PDHB: variants seen among roughly 807,000 people sequenced by gnomAD.
PDHB encodes pyruvate dehydrogenase E1 component subunit beta, mitochondrial.
PDHB carries 17 observed loss-of-function variants against 42.8 expected under a neutral mutation model. The observed-to-expected ratio is 0.40, with a 90% CI of 0.27 to 0.60. The LOEUF (loss-of-function observed/expected upper bound fraction) is 0.60, where lower values mean the gene tolerates loss of function less well. Among genes scored for constraint, PDHB ranks in the 20% least tolerant of loss-of-function variants. The pLI, the probability that PDHB is intolerant of heterozygous loss-of-function variation, is 0.46. For synonymous variants in PDHB, 154 were observed against 148.7 expected (o/e 1.04, Z -0.26); for missense variants, 322 against 451.3 (o/e 0.71, Z 2.60).
At chr3:58,429,154 G>A (rs1486503190) in intron 8 of PDHB, among the ~76,000 whole-genome samples, 4 of 152,216 alleles carry the variant, frequency 2.6e-5, no homozygotes, top group African/African-American at 7.2e-5. Context: ...TGAGTTAACA[G>A]TTAACAGCTG....
rs758213613 is a variant in PDHB, at chr3:58,428,513, C to T, written c.894G>A (p.Gln298=). The change falls in exon 9 of 10, where the codon CAG becomes CAA. Residue 298 remains glutamine (Q), a synonymous_variant. Coordinates refer to ENST00000302746, the MANE Select transcript of PDHB (RefSeq NM_000925.4). The part of the protein sequence containing the change: ...HLVTVEGGWP[Q]FGVGAEICAR... ...CACAGATTTCAGCTCCTACTCCAAA[C>T]TGTGGCCAGCCTCCTTCCACAGTTA... 3 of 1,614,226 alleles carry T rather than the reference C, an allele frequency of 1.9e-6. 1 individual carries two copies. The highest frequency in any genetic ancestry group is 4.5e-5 in the East Asian group (2 of 44,890).
chr3:58,431,034 A>G lies in PDHB; in HGVS notation c.304-92T>C. 1.6e-6 allele frequency: 2 copies of G among 1,240,366 alleles called. No homozygotes were observed. The highest frequency in any genetic ancestry group is 2.3e-6 in the Non-Finnish European group (2 of 855,014). 76.8% of individuals were successfully genotyped at this position (1,240,366 alleles called of 1,614,324 possible). On this transcript the variant is annotated intron_variant, in intron 5 of 9. Coordinates refer to ENST00000302746, the MANE Select transcript of PDHB (RefSeq NM_000925.4). This position sits in a 1 kb window ranked among gnomAD's most constrained non-coding sequence, Gnocchi z 4.4. ...CTCCAAGTCTTCCAACATTCAAATA[A>G]TGTTTTTATTTTTTATTTTTATTTT...
At position 58,427,984 on chromosome 3, in the gene PDHB, G is replaced by T; in HGVS notation, c.*50C>A. 2 of 1,381,890 alleles carry T rather than the reference G, an allele frequency of 1.4e-6. No homozygotes were observed. The highest frequency in any genetic ancestry group is 1.0e-6 in the Non-Finnish European group (1 of 975,908). The allele number at this position is 1,381,890 out of a possible 1,614,324, so 85.6% of individuals were successfully genotyped here. ...CTTGCAGTACAAATCCAGGTGCAGTGCCAGCAAGTATTTCAAATAAATTTC... is the reference window on the plus strand; with the variant it reads ...CTTGCAGTACAAATCCAGGTGCAGTTCCAGCAAGTATTTCAAATAAATTTC... On this transcript the variant is annotated 3_prime_UTR_variant, in exon 10 of 10. Coordinates refer to ENST00000302746, the MANE Select transcript of PDHB (RefSeq NM_000925.4).
chr3:58,433,339 T>G, intron 2 of PDHB: 1 of 579,384 alleles, frequency 1.7e-6, no homozygotes. Flanking sequence ...AAAAAGTACA[T>G]TTTAAGTTAG....
chr3:58,429,208 C>CA (rs2062899743), intron 8 of PDHB, among the ~76,000 whole-genome samples: 1 of 152,220 alleles, frequency 6.6e-6, no homozygotes, highest in Non-Finnish European at 1.5e-5. Context: ...GTAATTCTCA[C>CA]AACAGCCCTA....
chr3:58,429,681 T>C lies in PDHB; in HGVS notation c.792+27A>G, dbSNP rs780920031. On this transcript the variant is annotated intron_variant, in intron 8 of 9. Coordinates refer to ENST00000302746, the MANE Select transcript of PDHB (RefSeq NM_000925.4). ...AATCTAAAAGGAGCCCTTCTAATTC[T>C]TTAAGAACAAGTAAATGTCCACTCA... 7 of 1,405,478 alleles carry C rather than the reference T, an allele frequency of 5.0e-6. No individual in the cohort carries two copies. The Admixed American group carries it at 6.7e-5, about 13-fold the overall frequency. The allele number at this position is 1,405,478 out of a possible 1,614,324, so 87.1% of individuals were successfully genotyped here. A position where few individuals can be genotyped will look rare whatever the true frequency, so the allele number is the denominator to read the frequency against.
At chr3:58,428,223 G>A (rs1307131601) in intron 9 of PDHB, 44 bp from the exon 10 acceptor site, 3 of 1,589,854 alleles carry the variant, frequency 1.9e-6, no homozygotes, top group Non-Finnish European at 1.7e-6. Flanking sequence ...AATGCCAGCT[G>A]GGCACTACCA....
intron 2 of PDHB, chr3:58,432,191 T>A: frequency 1.7e-6 from 1 of 595,306 alleles, no homozygotes; most frequent in Non-Finnish European, 3.0e-6. Flanking sequence ...GAGTGCTCAC[T>A]AGGTGCCAAG....
chr3:58,428,137 G>C lies in PDHB; in HGVS notation c.977C>G (p.Thr326Ser). The part of the protein sequence containing the change: ...NFLDAPAVRV[T>S]GADVPMPYAK... ...ATAAGGCATAGGGACATCAGCACCA[G>C]TGACACGAACAGCAGGAGCATCCAG... The change falls in exon 10 of 10, where the codon ACT becomes AGT. Residue 326 changes from threonine (T) to serine (S), a missense_variant. Physicochemically the swap from Thr to Ser is moderately conservative, Grantham distance 58 (BLOSUM62 1). Around this residue, in one of 3 missense-constraint regions of PDHB, gnomAD observed 208 missense variants for 285.0 expected, o/e 0.73. Coordinates refer to ENST00000302746, the MANE Select transcript of PDHB (RefSeq NM_000925.4). The C allele has an allele frequency of 6.2e-7, 1 of 1,613,610 alleles. No homozygotes were observed. The highest frequency in any genetic ancestry group is 8.5e-7 in the Non-Finnish European group (1 of 1,179,452).
chr3:58,431,227 C>A lies in PDHB; in HGVS notation c.304-285G>T. 1 of 482,358 alleles carries A rather than the reference C, an allele frequency of 2.1e-6. No homozygotes were observed. The highest frequency in any genetic ancestry group is 3.7e-6 in the Non-Finnish European group (1 of 267,374). 29.9% of individuals were successfully genotyped at this position (482,358 alleles called of 1,614,324 possible). Reference sequence around the variant, plus strand: ...ACCTACTTGGTATTTTTTTTTTTTCCCAAATGATGTTTTTAAAAGGTGATG... The same window carrying A: ...ACCTACTTGGTATTTTTTTTTTTTCACAAATGATGTTTTTAAAAGGTGATG... On this transcript the variant is annotated intron_variant, in intron 5 of 9. Transcript: ENST00000302746. The surrounding 1 kb of genome is among the most constrained non-coding windows in gnomAD (Gnocchi z 4.4).
rs1553848498 is a variant in PDHB, at chr3:58,431,042, ATTT to A, written c.304-103_304-101del. ...CTTCCAACATTCAAATAATGTTTTT[ATTT>A]TTTATTTTTATTTTTTATGGACAGG... On this transcript the variant is annotated intron_variant, in intron 5 of 9. Transcript: ENST00000302746. The surrounding 1 kb of genome is among the most constrained non-coding windows in gnomAD (Gnocchi z 4.4). 761 of 1,109,722 alleles carry A rather than the reference ATTT, an allele frequency of 6.9e-4. 3 individuals are homozygous for A. Among genetic ancestry groups the A allele is most frequent in the Middle Eastern group, 6.4e-3 (27 of 4,214 alleles). 68.7% of individuals were successfully genotyped at this position (1,109,722 alleles called of 1,614,324 possible). A position where few individuals can be genotyped will look rare whatever the true frequency, so the allele number is the denominator to read the frequency against.
intron 8 of PDHB, chr3:58,428,891 G>A: frequency 2.3e-6 from 1 of 426,470 alleles, no homozygotes; most frequent in South Asian, 2.4e-5. Flanking sequence ...TTTTGCTCTT[G>A]TTGTCCAGGC....
chr3:58,432,053 T>C (rs1334035284), intron 2 of PDHB, 69 bp from the exon 3 acceptor site: 4 of 1,062,728 alleles, frequency 3.8e-6, no homozygotes, highest in Non-Finnish European at 5.9e-6. Flanking sequence ...TCTTCCTTTA[T>C]ATTTACCTAG....
At chr3:58,430,104 G>A in intron 7 of PDHB, 24 bp downstream of exon 7, 3 of 1,326,376 alleles carry the variant, frequency 2.3e-6, no homozygotes, top group Non-Finnish European at 3.3e-6. Context: ...TAAAAATACT[G>A]TTTATATATC....
Position 58,431,221 on chromosome 3 carries a change from T to C in PDHB, c.304-279A>G. 2.0e-6 allele frequency: 1 copy of C among 494,046 alleles called. No individual in the cohort carries two copies. The highest frequency in any genetic ancestry group is 3.6e-6 in the Non-Finnish European group (1 of 274,526). The allele number at this position is 494,046 out of a possible 1,614,324, so 30.6% of individuals were successfully genotyped here. A position where few individuals can be genotyped will look rare whatever the true frequency, so the allele number is the denominator to read the frequency against. On this transcript the variant is annotated intron_variant, in intron 5 of 9. Coordinates refer to ENST00000302746, the MANE Select transcript of PDHB (RefSeq NM_000925.4). This position sits in a 1 kb window ranked among gnomAD's most constrained non-coding sequence, Gnocchi z 4.4. ...ACATCTACCTACTTGGTATTTTTTTTTTTTCCCAAATGATGTTTTTAAAAG... is the reference window on the plus strand; with the variant it reads ...ACATCTACCTACTTGGTATTTTTTTCTTTTCCCAAATGATGTTTTTAAAAG...
At chr3:58,428,660 A>G (rs2062894284) in intron 8 of PDHB, 46 bp from the exon 9 acceptor site, 3 of 1,504,722 alleles carry the variant, frequency 2.0e-6, no homozygotes, top group Non-Finnish European at 2.8e-6. Flanking sequence ...TGCAGCACAA[A>G]TAGAGCCTTA....
At chr3:58,429,983 A>G (rs1392491645) in intron 7 of PDHB, 145 bp downstream of exon 7, 2 of 734,596 alleles carry the variant, frequency 2.7e-6, no homozygotes, top group East Asian at 5.3e-5. Context: ...GATCTAGAAA[A>G]GCACAACTGA....
intron 8 of PDHB, 133 bp from the exon 9 acceptor site, chr3:58,428,747 T>A: frequency 1.3e-6 from 1 of 770,244 alleles, no homozygotes; most frequent in Non-Finnish European, 2.2e-6. Context: ...TATGAATACC[T>A]ATTCATGAAT....
chr3:58,431,374 C>T lies in PDHB; in HGVS notation c.303+219G>A. ...GACCAGCCTGGCCAACATGGTAAAA[C>T]CCCATCTCTACTAAAAACACAAAAA... On this transcript the variant is annotated intron_variant, in intron 5 of 9. Coordinates refer to ENST00000302746, the MANE Select transcript of PDHB (RefSeq NM_000925.4). The surrounding 1 kb of genome is among the most constrained non-coding windows in gnomAD (Gnocchi z 4.4). The T allele has an allele frequency of 3.7e-6, 2 of 545,192 alleles. No individual in the cohort carries two copies. Among genetic ancestry groups the T allele is most frequent in the Non-Finnish European group, 6.6e-6 (2 of 304,816 alleles). The allele number at this position is 545,192 out of a possible 1,614,324, so 33.8% of individuals were successfully genotyped here.
Sources: allele counts gnomAD v4.1 joint callset (sites outside exome capture counted in the v4.1 genomes callset), GRCh38; gene constraint gnomAD v4.1.1; regional missense constraint gnomAD v4.1.1; non-coding constraint Gnocchi (gnomAD v3.1); transcripts MANE v1.5; gene names NCBI Gene and HGNC (gene_info 2026-07-23, HGNC 2026-07-21).